WWOX: variants seen among roughly 807,000 people sequenced by gnomAD.
WWOX encodes the protein WW domain containing oxidoreductase.
WWOX carries 69 observed loss-of-function variants against 46.2 expected under a neutral mutation model. The ratio of observed to expected loss-of-function variants is 1.49; its 90% CI spans 1.23 to 1.82. The LOEUF is 1.82. Among genes scored for constraint, WWOX ranks in the 40% most tolerant of loss-of-function variants. WWOX has a pLI of 0.00. For synonymous variants in WWOX, 359 were observed against 202.6 expected, an observed-to-expected ratio of 1.77 and a Z score of -6.56; for missense variants, 919 against 542.6, an observed-to-expected ratio of 1.69 and a Z score of -6.89.
At chr16:78,836,912 A>G (rs2052000986) in intron 8 of WWOX, among the ~76,000 whole-genome samples, 1 of 152,062 alleles carries the variant, frequency 6.6e-6, no homozygotes, top group African/African-American at 2.4e-5. Context: ...CTTTTTTCAG[A>G]GTCAGAGGTT....
At chr16:78,224,206 C>T (rs7190035) in intron 5 of WWOX, among the ~76,000 whole-genome samples, 104,544 of 151,792 alleles carry the variant, frequency 0.69, 36,207 homozygotes, top group Admixed American at 0.74. Context: ...GGTTTCACCA[C>T]GTTAGCCAGG....
chr16:79,064,288 G>A (rs1171036562), intron 8 of WWOX, among the ~76,000 whole-genome samples: 3 of 152,184 alleles, frequency 2.0e-5, no homozygotes, highest in Non-Finnish European at 2.9e-5. Context: ...AAGACAACCT[G>A]GTTGAGAATT....
At chr16:78,353,330 G>A (rs1332119892) in intron 5 of WWOX, among the ~76,000 whole-genome samples, 1 of 152,202 alleles carries the variant, frequency 6.6e-6, no homozygotes, top group Non-Finnish European at 1.5e-5. Flanking sequence ...GCACTGTGCA[G>A]AAATATTGGC....
At chr16:78,538,132 T>C (rs1461324403) in intron 8 of WWOX, among the ~76,000 whole-genome samples, 1 of 145,076 alleles carries the variant, frequency 6.9e-6, no homozygotes, top group Non-Finnish European at 1.5e-5. Flanking sequence ...GGCAGTTACC[T>C]GAAAGAAAAT....
intron 8 of WWOX, among the ~76,000 whole-genome samples, chr16:78,871,944 G>T (rs138828959): frequency 2.6e-5 from 4 of 152,098 alleles, no homozygotes; most frequent in African/African-American, 4.8e-5. Context: ...TTTTCTTCCA[G>T]CCATGCCCTA....
In WWOX at chr16:78,815,374, A is replaced by G. The variant is rs894560398; in HGVS notation, c.1056+382622A>G. Among the ~76,000 whole-genome samples, 28 of 152,066 alleles carry G rather than the reference A, an allele frequency of 1.8e-4. 1 individual carries two copies. Among genetic ancestry groups the G allele is most frequent in the Non-Finnish European group, 7.4e-5 (5 of 68,008 alleles). On this transcript the variant is annotated intron_variant, in intron 8 of 8. Coordinates refer to ENST00000566780, the MANE Select transcript of WWOX (RefSeq NM_016373.4). ...TTCATACATTTTAGCTGACAAGGGC[A>G]GGAGCTGTTCCTGCTGTTACTAACT...
rs926265222 is a variant in WWOX at position 78,611,088 on chromosome 16, G to C, written c.1056+178336G>C. Among the ~76,000 whole-genome samples the C allele has an allele frequency of 2.0e-5, 3 of 152,284 alleles. No homozygotes were observed. The South Asian group carries it at 6.2e-4, about 32-fold the overall frequency. On this transcript the variant is annotated intron_variant, in intron 8 of 8. Coordinates refer to ENST00000566780, the MANE Select transcript of WWOX (RefSeq NM_016373.4). ...GTTTAACAAGTAAATGTATATCCCA[G>C]TGTGTGTGGTCACCAAAGCATAATG...
At chr16:78,589,472 C>G (rs1188232685) in intron 8 of WWOX, among the ~76,000 whole-genome samples, 1 of 152,114 alleles carries the variant, frequency 6.6e-6, no homozygotes, top group Non-Finnish European at 1.5e-5. Flanking sequence ...CAGTTCTGTC[C>G]TGCCACTCTT....
intron 8 of WWOX, among the ~76,000 whole-genome samples, chr16:79,044,938 A>G (rs919922894): frequency 4.6e-5 from 7 of 152,188 alleles, no homozygotes; most frequent in Non-Finnish European, 8.8e-5. Flanking sequence ...AGTTGCTACA[A>G]TAATCAATGA....
intron 8 of WWOX, among the ~76,000 whole-genome samples, chr16:78,922,878 A>C (rs1366762728): frequency 6.6e-6 from 1 of 152,204 alleles, no homozygotes; most frequent in African/African-American, 2.4e-5. Context: ...GGGCTTATTA[A>C]TCATACTAAA....
At chr16:79,156,250 A>G (rs2050379255) in intron 8 of WWOX, among the ~76,000 whole-genome samples, 1 of 152,174 alleles carries the variant, frequency 6.6e-6, no homozygotes, top group African/African-American at 2.4e-5. Flanking sequence ...CAACCTTTGC[A>G]TCCTGGGCTC....
intron 8 of WWOX, among the ~76,000 whole-genome samples, chr16:78,798,423 G>A (rs527739206): frequency 1.3e-5 from 2 of 152,164 alleles, no homozygotes; most frequent in African/African-American, 2.4e-5. Flanking sequence ...GGTGCGATGC[G>A]GGAACAAAAG....
chr16:78,517,883 C>G (rs1376838531), intron 8 of WWOX, among the ~76,000 whole-genome samples: 1 of 88,546 alleles, frequency 1.1e-5, no homozygotes, highest in Non-Finnish European at 2.1e-5. Context: ...TTTTTTTACT[C>G]TGAATGTGTA....
intron 5 of WWOX, among the ~76,000 whole-genome samples, chr16:78,268,432 A>G (rs2079410889): frequency 6.6e-6 from 1 of 152,214 alleles, no homozygotes; most frequent in Non-Finnish European, 1.5e-5. Context: ...ACAGGAAAAG[A>G]GCTAACCTTT....
chr16:78,354,385 C>G (rs1200853687), intron 5 of WWOX, among the ~76,000 whole-genome samples: 4 of 141,334 alleles, frequency 2.8e-5, no homozygotes, highest in South Asian at 4.4e-4. Context: ...TGTCAAATGA[C>G]TTTCCAGAGG....
intron 8 of WWOX, among the ~76,000 whole-genome samples, chr16:78,925,266 T>G (rs1303205901): frequency 6.6e-6 from 1 of 152,228 alleles, no homozygotes; most frequent in African/African-American, 2.4e-5. Context: ...GGCTGATCAT[T>G]GCTGCCACTG....
intron 8 of WWOX, among the ~76,000 whole-genome samples, chr16:79,129,339 A>G (rs1208030670): frequency 6.7e-6 from 1 of 149,720 alleles, no homozygotes; most frequent in Admixed American, 6.7e-5. Flanking sequence ...CGTTATGCAC[A>G]TAGTCACACA....
At chr16:78,300,718 G>T (rs1221083015) in intron 5 of WWOX, among the ~76,000 whole-genome samples, 1 of 152,036 alleles carries the variant, frequency 6.6e-6, no homozygotes, top group Non-Finnish European at 1.5e-5. Context: ...TTACCATCAA[G>T]ATAACGTTTT....
rs145573470 is a variant in WWOX at position 78,411,377 on chromosome 16, G to A, written c.606-13493G>A. Among the ~76,000 whole-genome samples the A allele has an allele frequency of 1.5e-3, 230 of 152,182 alleles. 3 individuals carry two copies. In the East Asian group the frequency reaches 0.036, roughly 24 times the overall value. On this transcript the variant is annotated intron_variant, in intron 6 of 8. Transcript: ENST00000566780. ...GGGCTAATCAACGTGTTGATTAGAG[G>A]GAAATTTTCTTCAGTGAAATAATAT...
Sources: gnomAD v4.1 joint callset for allele counts (sites outside exome capture counted in the v4.1 genomes callset) on GRCh38, gnomAD v4.1.1 for gene constraint, MANE v1.5 for transcripts, NCBI Gene and HGNC (gene_info 2026-07-23, HGNC 2026-07-21) for gene names.